The following CDH12 variants were observed in gnomAD, a reference collection of about 807,000 sequenced individuals.
CDH12 encodes the protein cadherin 12.
A neutral mutation model predicts 74.1 loss-of-function variants in CDH12; 41 were observed. The ratio of observed to expected loss-of-function variants is 0.55; its 90% CI spans 0.43 to 0.72. The LOEUF is 0.72. Ranked by LOEUF, CDH12 falls within the 30% of genes least tolerant of loss-of-function variation. The probability of loss-of-function intolerance (pLI) is 0.00; values close to 1 mark genes in which losing one functional copy is unlikely to be tolerated. For missense variants in CDH12, 945 were observed against 977.2 expected, an observed-to-expected ratio of 0.97 and a Z score of 0.44; for synonymous variants, 399 against 355.0, an observed-to-expected ratio of 1.12 and a Z score of -1.39.
At chr5:21,897,603 A>G (rs1351460706) in intron 6 of CDH12, among the ~76,000 whole-genome samples, 1 of 152,236 alleles carries the variant, frequency 6.6e-6, no homozygotes, top group East Asian at 1.9e-4. Flanking sequence ...AGCCAGCTCT[A>G]AAAGAATCCT....
intron 5 of CDH12, among the ~76,000 whole-genome samples, chr5:22,060,599 A>G (rs1345988365): frequency 6.6e-6 from 1 of 152,198 alleles, no homozygotes; most frequent in Non-Finnish European, 1.5e-5. Context: ...TTACTAAGTC[A>G]CAGCACTATG....
In CDH12 at chr5:22,421,971, C is replaced by T. The variant is rs554474821; in HGVS notation, c.-427-16620G>A. Among the ~76,000 whole-genome samples, 28 of 152,294 alleles carry T rather than the reference C, an allele frequency of 1.8e-4. 1 individual carries two copies. In the South Asian group the frequency reaches 5.8e-3, roughly 32 times the overall value. On this transcript the variant is annotated intron_variant, in intron 2 of 14. Transcript: ENST00000382254. ...GAGCTTTTTTTCATATGTTGGTTGG[C>T]TGCATAAATGTCTTCTTTTGAGAAG...
At chr5:22,707,976 A>T (rs1222479282) in intron 1 of CDH12, among the ~76,000 whole-genome samples, 3 of 152,190 alleles carry the variant, frequency 2.0e-5, no homozygotes, top group Non-Finnish European at 4.4e-5. Context: ...TATAACATTG[A>T]TACAGTAAAG....
chr5:22,608,586 T>C (rs940465986), intron 1 of CDH12, among the ~76,000 whole-genome samples: 5 of 152,150 alleles, frequency 3.3e-5, no homozygotes, highest in Non-Finnish European at 7.4e-5. Flanking sequence ...TGTGAGGACA[T>C]GAGATTTTGG....
chr5:22,098,532 A>T (rs1229685510), intron 4 of CDH12, among the ~76,000 whole-genome samples: 1 of 152,172 alleles, frequency 6.6e-6, no homozygotes, highest in Admixed American at 6.5e-5. Flanking sequence ...TAAAAATCAC[A>T]AACTATGCTC....
At chr5:21,924,532 GAATACATA>G (rs983859621) in intron 6 of CDH12, among the ~76,000 whole-genome samples, 23 of 72,890 alleles carry the variant, frequency 3.2e-4, no homozygotes, top group Admixed American at 2.1e-3. Flanking sequence ...ATAAATACAT[GAATACATA>G]AATAAATAAA....
rs1746583529 is a variant in CDH12 at position 21,792,902 on chromosome 5, T to C, written c.1256+9265A>G. Among the ~76,000 whole-genome samples, 5 of 151,760 alleles carry C rather than the reference T, an allele frequency of 3.3e-5. No individual in the cohort carries two copies. In the Admixed American group the frequency reaches 3.3e-4, roughly 10 times the overall value. On this transcript the variant is annotated intron_variant, in intron 10 of 14. Coordinates refer to ENST00000382254, the MANE Select transcript of CDH12 (RefSeq NM_004061.5). ...CTGTACTTAACAGCTTTAAACATCC[T>C]GAGTCTCAGTTTTATCAGATATTAA...
chr5:21,880,991 G>A (rs900147955), intron 6 of CDH12, among the ~76,000 whole-genome samples: 50 of 152,006 alleles, frequency 3.3e-4, no homozygotes, highest in African/African-American at 1.2e-3. Flanking sequence ...TTTAATGCCA[G>A]GGCACTTCTT....
At chr5:22,658,893 G>C (rs995674127) in intron 1 of CDH12, among the ~76,000 whole-genome samples, 12 of 152,002 alleles carry the variant, frequency 7.9e-5, no homozygotes, top group Non-Finnish European at 1.2e-4. Context: ...TACTACTTTC[G>C]TCAAGGCAAA....
chr5:22,122,961 C>T (rs1745613227), intron 4 of CDH12, among the ~76,000 whole-genome samples: 1 of 152,200 alleles, frequency 6.6e-6, no homozygotes, highest in South Asian at 2.1e-4. Flanking sequence ...AAACCATTGG[C>T]TCTCTTGGGT....
chr5:22,538,837 G>C (rs1337530905), intron 1 of CDH12, among the ~76,000 whole-genome samples: 4 of 152,130 alleles, frequency 2.6e-5, no homozygotes, highest in Non-Finnish European at 4.4e-5. Context: ...GGTATTGCAG[G>C]TCCAGTCAAT....
chr5:22,439,389 G>C (rs1214239996), intron 2 of CDH12, among the ~76,000 whole-genome samples: 3 of 152,004 alleles, frequency 2.0e-5, no homozygotes, highest in African/African-American at 7.2e-5. Flanking sequence ...TTTAGGGAAT[G>C]ATTCAGGGTA....
rs538138463 is a variant in CDH12, at chr5:22,154,827, G to A, written c.-187+57671C>T. On this transcript the variant is annotated intron_variant, in intron 4 of 14. Transcript: ENST00000382254. ...TATTATTGCACAATTTCTGTTGGTC[G>A]GGAGCCTGCCACATTTTGGCCAAGT... Among the ~76,000 whole-genome samples the A allele has an allele frequency of 6.6e-5, 10 of 152,050 alleles. No homozygotes were observed. In the South Asian group the frequency reaches 1.2e-3, roughly 19 times the overall value.
chr5:22,574,263 A>G (rs535728924), intron 1 of CDH12, among the ~76,000 whole-genome samples: 2 of 151,842 alleles, frequency 1.3e-5, no homozygotes, highest in African/African-American at 4.8e-5. Context: ...TATTTCTAGT[A>G]GAGACGGGGT....
intron 2 of CDH12, among the ~76,000 whole-genome samples, chr5:22,458,116 A>G (rs1433084815): frequency 1.3e-5 from 2 of 151,898 alleles, no homozygotes. Context: ...CTGACCTTAA[A>G]TCATCCACCC....
At chr5:21,801,236 T>G (rs1486985239) in intron 10 of CDH12, among the ~76,000 whole-genome samples, 1 of 152,246 alleles carries the variant, frequency 6.6e-6, no homozygotes. Context: ...TGTCACATAG[T>G]GTAAAATCTT....
intron 1 of CDH12, among the ~76,000 whole-genome samples, chr5:22,665,519 A>T (rs976305174): frequency 6.6e-6 from 1 of 152,158 alleles, no homozygotes; most frequent in Non-Finnish European, 1.5e-5. Context: ...TGCTATATAC[A>T]TGGTTTTCCA....
intron 1 of CDH12, among the ~76,000 whole-genome samples, chr5:22,615,386 T>G (rs1425716585): frequency 3.9e-5 from 6 of 152,108 alleles, no homozygotes; most frequent in Admixed American, 3.9e-4. Flanking sequence ...GGTACTAAAT[T>G]GTTACTCTCT....
chr5:22,585,391 T>C (rs1001427881), intron 1 of CDH12, among the ~76,000 whole-genome samples: 42 of 152,170 alleles, frequency 2.8e-4, no homozygotes, highest in Admixed American at 6.5e-5. Context: ...TTTTTACCTA[T>C]ACTGTTTGAG....
Sources: allele counts gnomAD v4.1 joint callset (sites outside exome capture counted in the v4.1 genomes callset), GRCh38; gene constraint gnomAD v4.1.1; transcripts MANE v1.5; gene names NCBI Gene and HGNC (gene_info 2026-07-23, HGNC 2026-07-21).